The following SHANK2 variants were observed in gnomAD, a reference collection of about 807,000 sequenced individuals.
The protein encoded by SHANK2 is SH3 and multiple ankyrin repeat domains 2.
SHANK2 carries 43 observed loss-of-function variants against 133.7 expected under a neutral mutation model. The ratio of observed to expected loss-of-function variants is 0.32; its 90% confidence interval spans 0.25 to 0.41. SHANK2 has a LOEUF of 0.41. SHANK2 is among the 10% of genes least tolerant of loss of function. The probability of loss-of-function intolerance (pLI) is 1.00; values close to 1 mark genes in which losing one functional copy is unlikely to be tolerated. For missense variants in SHANK2, 1,994 were observed against 2,235.8 expected (o/e 0.89, Z 2.18); for synonymous variants, 1,017 against 952.8 (o/e 1.07, Z -1.24).
intron 10 of SHANK2, among the ~76,000 whole-genome samples, chr11:70,905,938 T>C (rs1414139790): frequency 2.0e-5 from 3 of 151,722 alleles, no homozygotes; most frequent in African/African-American, 7.3e-5. Context: ...CAGCCTCCTA[T>C]GTAGCTGGGA....
intron 2 of SHANK2, among the ~76,000 whole-genome samples, chr11:71,218,287 G>A (rs1555120392): frequency 1.5e-5 from 2 of 129,034 alleles, no homozygotes; most frequent in African/African-American, 3.1e-5. Flanking sequence ...TTTTTGAGAT[G>A]GAGTTTTGCT....
chr11:71,215,356 G>A (rs1186532985), intron 2 of SHANK2, among the ~76,000 whole-genome samples: 3 of 152,054 alleles, frequency 2.0e-5, no homozygotes, highest in South Asian at 2.1e-4. Context: ...GTCTGAACAC[G>A]CCACTCTGTC....
intron 17 of SHANK2, among the ~76,000 whole-genome samples, chr11:70,530,121 C>T (rs1442006063): frequency 1.3e-5 from 2 of 152,176 alleles, no homozygotes; most frequent in Non-Finnish European, 2.9e-5. Context: ...TTCACAGCAG[C>T]GTCATCGCAA....
At chr11:70,484,125 C>G (rs1555152391) in intron 25 of SHANK2, among the ~76,000 whole-genome samples, 1 of 152,200 alleles carries the variant, frequency 6.6e-6, no homozygotes, top group African/African-American at 2.4e-5. Flanking sequence ...ATGGTGCACA[C>G]CACAGGGAAG....
At position 70,830,421 on chromosome 11, in the gene SHANK2, G is replaced by A. The variant is rs1231627318; in HGVS notation, c.1175-9739C>T. On this transcript the variant is annotated intron_variant, in intron 11 of 25. Transcript: ENST00000601538. The surrounding 1 kb of genome is among the most constrained non-coding windows in gnomAD (Gnocchi z 4.4). ...CGAGCTCACCCCTGAGCCCCAGGTAGATGGTTCGCATTCTCCTGCCATCTG... is the reference window on the plus strand; with the variant it reads ...CGAGCTCACCCCTGAGCCCCAGGTAAATGGTTCGCATTCTCCTGCCATCTG... Among the ~76,000 whole-genome samples, 11 of 152,170 alleles carry A rather than the reference G, an allele frequency of 7.2e-5. No individual in the cohort carries two copies. The highest frequency in any genetic ancestry group is 7.2e-4 in the Admixed American group (11 of 15,278).
intron 17 of SHANK2, chr11:70,603,871 C>T (rs2060535410): frequency 6.5e-6 from 1 of 152,740 alleles, no homozygotes; most frequent in African/African-American, 2.4e-5. Context: ...GTGGTGGCCG[C>T]AGGAATGCTG....
chr11:70,489,087 A>C, intron 24 of SHANK2: 1 of 536,696 alleles, frequency 1.9e-6, no homozygotes, highest in Non-Finnish European at 3.3e-6. Flanking sequence ...GACAAACTAC[A>C]ATAATTTATT....
At chr11:70,532,116 C>T (rs1793619720) in intron 17 of SHANK2, among the ~76,000 whole-genome samples, 1 of 152,164 alleles carries the variant, frequency 6.6e-6, no homozygotes, top group Admixed American at 6.6e-5. Context: ...TTTTGCTTGT[C>T]ATTGAGAAAC....
At chr11:71,249,688 G>C (rs539530996) in intron 1 of SHANK2, among the ~76,000 whole-genome samples, 1 of 152,294 alleles carries the variant, frequency 6.6e-6, no homozygotes, top group East Asian at 1.9e-4. Flanking sequence ...CGGGACTGAC[G>C]GGGATCCCAG....
chr11:70,763,369 C>T (rs972001906), intron 14 of SHANK2, among the ~76,000 whole-genome samples: 1 of 152,100 alleles, frequency 6.6e-6, no homozygotes, highest in African/African-American at 2.4e-5. Flanking sequence ...GGTTTGCTGG[C>T]AGGGGTGGAG....
chr11:70,578,136 G>A (rs781943972), intron 17 of SHANK2, among the ~76,000 whole-genome samples: 5 of 152,192 alleles, frequency 3.3e-5, no homozygotes, highest in Non-Finnish European at 7.3e-5. Flanking sequence ...GACTTAGTGC[G>A]GTGCCATGGC....
intron 10 of SHANK2, among the ~76,000 whole-genome samples, chr11:70,938,637 G>C: frequency 6.6e-6 from 1 of 152,216 alleles, no homozygotes; most frequent in South Asian, 2.1e-4. Flanking sequence ...TGGAAACGCG[G>C]CTTCTAGTCG....
chr11:71,189,294 G>A (rs1353239832), intron 2 of SHANK2, among the ~76,000 whole-genome samples: 2 of 152,318 alleles, frequency 1.3e-5, no homozygotes, highest in African/African-American at 2.4e-5. Flanking sequence ...TATTCCAGTC[G>A]CTGGTGCCTC....
intron 10 of SHANK2, chr11:70,952,737 T>A: frequency 2.4e-6 from 1 of 420,686 alleles, no homozygotes. Context: ...AGGGCGGCCC[T>A]GGCTTCGTGT....
At chr11:70,876,243 G>GACACAC (rs3064243) in intron 11 of SHANK2, among the ~76,000 whole-genome samples, 33,130 of 134,492 alleles carry the variant, frequency 0.25, 4,611 homozygotes, top group Non-Finnish European at 0.3. Context: ...CACACATATA[G>GACACAC]ACACACACAC....
chr11:71,078,005 G>A (rs1951243891), intron 8 of SHANK2, among the ~76,000 whole-genome samples: 1 of 152,048 alleles, frequency 6.6e-6, no homozygotes, highest in Non-Finnish European at 1.5e-5. Context: ...TGCAGGACCA[G>A]CAACAGCCCA....
At position 70,921,047 on chromosome 11, in the gene SHANK2, G is replaced by A. The variant is rs180953830; in HGVS notation, c.1108-24480C>T. ...TGAGACAAGAAATCTGAAATGTCTC[G>A]CCATACCAGAAAATCAGGAAGCTAT... On this transcript the variant is annotated intron_variant, in intron 10 of 25. Coordinates refer to ENST00000601538, the MANE Select transcript of SHANK2 (RefSeq NM_012309.5). Among the ~76,000 whole-genome samples the A allele has an allele frequency of 3.5e-4, 54 of 152,122 alleles. 1 individual carries two copies. The East Asian group carries it at 5.2e-3, about 15-fold the overall frequency.
intron 3 of SHANK2, among the ~76,000 whole-genome samples, chr11:71,123,698 T>C (rs1479495949): frequency 6.6e-6 from 1 of 152,152 alleles, no homozygotes; most frequent in African/African-American, 2.4e-5. Context: ...GGCTATTCCT[T>C]TATAATTTGT....
chr11:70,884,627 C>T (rs1555073033), intron 11 of SHANK2, among the ~76,000 whole-genome samples: 1 of 152,236 alleles, frequency 6.6e-6, no homozygotes, highest in Non-Finnish European at 1.5e-5. Flanking sequence ...CTGGGACAGA[C>T]CTCTCCCTGC....
Sources: gnomAD v4.1 joint callset for allele counts (sites outside exome capture counted in the v4.1 genomes callset) on GRCh38, gnomAD v4.1.1 for gene constraint, Gnocchi (gnomAD v3.1) non-coding constraint, MANE v1.5 for transcripts, NCBI Gene and HGNC (gene_info 2026-07-23, HGNC 2026-07-21) for gene names.